SPOCK1: variants seen among roughly 807,000 people sequenced by gnomAD.
SPOCK1 encodes the protein testican-1.
SPOCK1 carries 23 observed loss-of-function variants against 55.3 expected under a neutral mutation model. That is an observed-to-expected ratio of 0.42 (90% CI 0.30 to 0.59). SPOCK1 has a LOEUF of 0.59. Among genes scored for constraint, SPOCK1 ranks in the 20% least tolerant of loss-of-function variants. The pLI is 0.22. For missense variants in SPOCK1, 499 were observed against 552.5 expected (o/e 0.90, Z 0.97); for synonymous variants, 226 against 221.0 (o/e 1.02, Z -0.20).
chr5:137,037,101 G>A (rs1352705530), intron 6 of SPOCK1, among the ~76,000 whole-genome samples: 1 of 151,946 alleles, frequency 6.6e-6, no homozygotes, highest in East Asian at 1.9e-4. Context: ...ATTTCAGATG[G>A]CATATTCTGT....
rs142444542 is a variant in SPOCK1, at chr5:137,232,727, C to A, written c.232+34283G>T. 7.4e-3 allele frequency among the ~76,000 whole-genome samples: 1,128 copies of A among 152,268 alleles called. 16 individuals carry two copies. Among genetic ancestry groups the A allele is most frequent in the African/African-American group, 0.025 (1,048 of 41,550 alleles). On this transcript the variant is annotated intron_variant, in intron 3 of 10. Coordinates refer to ENST00000394945, the MANE Select transcript of SPOCK1 (RefSeq NM_004598.4). ...TATCCATGTTTACCAAAAAACCTTG[C>A]TGCAATTTTGATAGGAATTTCATTG...
intron 2 of SPOCK1, among the ~76,000 whole-genome samples, chr5:137,476,597 G>A (rs71589366): frequency 0.035 from 5,365 of 152,222 alleles, 145 homozygotes; most frequent in African/African-American, 0.071. Flanking sequence ...AGTGGGGCAG[G>A]GCAGGTGTGC....
chr5:137,341,488 A>G (rs1175311329), intron 2 of SPOCK1, among the ~76,000 whole-genome samples: 1 of 152,256 alleles, frequency 6.6e-6, no homozygotes, highest in Non-Finnish European at 1.5e-5. Flanking sequence ...AGCAAAAAAT[A>G]AAAGCAAAAT....
At chr5:137,058,221 C>G (rs949125346) in intron 6 of SPOCK1, among the ~76,000 whole-genome samples, 2 of 152,106 alleles carry the variant, frequency 1.3e-5, no homozygotes, top group Admixed American at 1.3e-4. Flanking sequence ...GTTAAGAACA[C>G]AGTATAATGT....
intron 4 of SPOCK1, among the ~76,000 whole-genome samples, chr5:137,113,484 T>C (rs551191696): frequency 6.6e-6 from 1 of 152,340 alleles, no homozygotes; most frequent in Non-Finnish European, 1.5e-5. Flanking sequence ...TGATGATTAG[T>C]GCTTGGGCTC....
chr5:136,995,226 C>T lies in SPOCK1; in HGVS notation c.590-2626G>A, dbSNP rs145788494. Among the ~76,000 whole-genome samples the T allele has an allele frequency of 3.8e-4, 58 of 152,204 alleles. 1 individual carries two copies. In the South Asian group the frequency reaches 5.2e-3, roughly 14 times the overall value. ...ATATTCTGCCATCCAAGTTTGTTCC[C>T]GTACTTCTCCCCTTCAACTGTTTAA... On this transcript the variant is annotated intron_variant, in intron 6 of 10. Coordinates refer to ENST00000394945, the MANE Select transcript of SPOCK1 (RefSeq NM_004598.4).
chr5:137,381,877 A>G (rs1751479054), intron 2 of SPOCK1, among the ~76,000 whole-genome samples: 1 of 152,236 alleles, frequency 6.6e-6, no homozygotes, highest in African/African-American at 2.4e-5. Flanking sequence ...TTTCTGCAGC[A>G]GACTTGAATT....
intron 2 of SPOCK1, among the ~76,000 whole-genome samples, chr5:137,274,515 T>G (rs1456318946): frequency 2.0e-5 from 3 of 152,236 alleles, no homozygotes; most frequent in Non-Finnish European, 4.4e-5. Context: ...GTGCTTGGTA[T>G]GATATCTGGC....
intron 2 of SPOCK1, among the ~76,000 whole-genome samples, chr5:137,405,585 G>A (rs966858227): frequency 6.6e-6 from 1 of 152,066 alleles, no homozygotes; most frequent in Non-Finnish European, 1.5e-5. Context: ...GGCCATAGAG[G>A]GCTCTTCCTG....
chr5:137,356,798 A>ATATATATATATATATATAT (rs1491351108), intron 2 of SPOCK1, among the ~76,000 whole-genome samples: 2 of 13,742 alleles, frequency 1.5e-4, no homozygotes, highest in South Asian at 2.9e-3. Context: ...CAAAAAAAAT[A>ATATATATATATATATATAT]ATATATATAT....
intron 2 of SPOCK1, among the ~76,000 whole-genome samples, chr5:137,279,541 G>A (rs993267371): frequency 2.0e-5 from 3 of 152,158 alleles, no homozygotes; most frequent in Non-Finnish European, 2.9e-5. Context: ...TGCCGCAGCA[G>A]CTTTAATCTA....
intron 2 of SPOCK1, among the ~76,000 whole-genome samples, chr5:137,373,063 T>C (rs1751234898): frequency 6.6e-6 from 1 of 152,186 alleles, no homozygotes. Flanking sequence ...CCTTCCACCA[T>C]GTGATGATGC....
At chr5:137,132,558 T>C (rs1247850832) in intron 4 of SPOCK1, among the ~76,000 whole-genome samples, 1 of 152,218 alleles carries the variant, frequency 6.6e-6, no homozygotes, top group Non-Finnish European at 1.5e-5. Flanking sequence ...GCCATTTTAC[T>C]GGAAATGGAA....
intron 3 of SPOCK1, among the ~76,000 whole-genome samples, chr5:137,190,792 C>T (rs1338553330): frequency 2.0e-5 from 3 of 152,220 alleles, no homozygotes; most frequent in African/African-American, 7.2e-5. Flanking sequence ...CTCCCCAGAG[C>T]TCCTTTTCAT....
At chr5:137,239,723 A>G (rs1196550501) in intron 3 of SPOCK1, among the ~76,000 whole-genome samples, 1 of 152,212 alleles carries the variant, frequency 6.6e-6, no homozygotes, top group Non-Finnish European at 1.5e-5. Context: ...CTATAGAGAA[A>G]AAGTTTTTCC....
At position 137,341,251 on chromosome 5, in the gene SPOCK1, T is replaced by G. The variant is rs1021383851; in HGVS notation, c.187-74196A>C. On this transcript the variant is annotated intron_variant, in intron 2 of 10. Transcript: ENST00000394945. ...AGACAAGTTCTATCCTCTCCTAATG[T>G]GCATGTTTGCTCAGAGTGCCTTGCA... is the stretch of plus-strand genomic sequence containing the variant. 6.6e-5 allele frequency among the ~76,000 whole-genome samples: 10 copies of G among 152,390 alleles called. 1 individual carries two copies. Among genetic ancestry groups the G allele is most frequent in the Non-Finnish European group, 1.3e-4 (9 of 68,042 alleles).
intron 3 of SPOCK1, among the ~76,000 whole-genome samples, chr5:137,166,322 T>C (rs906657025): frequency 6.6e-6 from 1 of 151,938 alleles, no homozygotes; most frequent in Non-Finnish European, 1.5e-5. Context: ...CTGGTGAAAC[T>C]ATCCTTCAAA....
chr5:137,111,441 A>G (rs939321220), intron 5 of SPOCK1, among the ~76,000 whole-genome samples: 3 of 152,132 alleles, frequency 2.0e-5, no homozygotes, highest in Non-Finnish European at 2.9e-5. Context: ...ACTCCCACCC[A>G]CCATGTCTTA....
chr5:137,051,457 G>A (rs1580726212), intron 6 of SPOCK1, among the ~76,000 whole-genome samples: 1 of 152,182 alleles, frequency 6.6e-6, no homozygotes, highest in African/African-American at 2.4e-5. Context: ...TTCAAGCCAT[G>A]ACAGAACAAA....
Sources: gnomAD v4.1 joint callset for allele counts (sites outside exome capture counted in the v4.1 genomes callset) on GRCh38, gnomAD v4.1.1 for gene constraint, MANE v1.5 for transcripts, NCBI Gene and HGNC (gene_info 2026-07-23, HGNC 2026-07-21) for gene names.